Variants in HECW1 observed in about 807,000 individuals in gnomAD.
HECW1 encodes the protein E3 ubiquitin-protein ligase HECW1.
A neutral mutation model predicts 182.3 loss-of-function variants in HECW1; 61 were observed. That is an observed-to-expected ratio of 0.33 (90% CI 0.27 to 0.41). The LOEUF (loss-of-function observed/expected upper bound fraction) is 0.41. Among genes scored for constraint, HECW1 ranks in the 10% least tolerant of loss-of-function variants. HECW1 has a pLI of 1.00. For synonymous variants in HECW1, 859 were observed against 832.6 expected (o/e 1.03, Z -0.55); for missense variants, 1,739 against 2,108.9 (o/e 0.82, Z 3.44).
intron 13 of HECW1, among the ~76,000 whole-genome samples, chr7:43,461,076 A>C (rs1012645266): frequency 1.3e-5 from 2 of 152,248 alleles, no homozygotes; most frequent in Non-Finnish European, 2.9e-5. Flanking sequence ...TTGCTGAGTA[A>C]AACTACACCA....
intron 6 of HECW1, among the ~76,000 whole-genome samples, chr7:43,387,266 G>C (rs1411061470): frequency 2.0e-5 from 3 of 151,890 alleles, no homozygotes. Flanking sequence ...TATGGAAACG[G>C]ATTCATCTTC....
At chr7:43,283,053 G>A (rs1053066179) in intron 3 of HECW1, among the ~76,000 whole-genome samples, 1 of 151,960 alleles carries the variant, frequency 6.6e-6, no homozygotes, top group African/African-American at 2.4e-5. Flanking sequence ...GGGAGGCAGA[G>A]GTTGCAGTGA....
chr7:43,488,494 G>GAGAAAA (rs1481437328), intron 17 of HECW1, among the ~76,000 whole-genome samples: 3,058 of 144,184 alleles, frequency 0.021, 84 homozygotes, highest in Middle Eastern at 0.054. Context: ...GAAAGAGAAA[G>GAGAAAA]AAAGAAAGAA....
intron 24 of HECW1, among the ~76,000 whole-genome samples, chr7:43,517,572 G>T (rs1283010799): frequency 6.6e-6 from 1 of 152,136 alleles, no homozygotes; most frequent in Non-Finnish European, 1.5e-5. Flanking sequence ...TGCTACATCT[G>T]CAGAGTCTTG....
intron 12 of HECW1, among the ~76,000 whole-genome samples, chr7:43,455,134 T>TTG (rs1051590155): frequency 1.3e-5 from 2 of 152,092 alleles, no homozygotes; most frequent in African/African-American, 4.8e-5. Flanking sequence ...TTTCTTTTTT[T>TTG]TTGTTTTCTT....
chr7:43,181,539 C>G (rs914981643), intron 2 of HECW1, among the ~76,000 whole-genome samples: 2 of 150,910 alleles, frequency 1.3e-5, no homozygotes, highest in African/African-American at 5.0e-5. Context: ...GCCATTCTAA[C>G]TGGAGTGAGA....
intron 2 of HECW1, among the ~76,000 whole-genome samples, chr7:43,176,235 C>T (rs566911497): frequency 1.3e-5 from 2 of 152,252 alleles, no homozygotes; most frequent in East Asian, 3.9e-4. Flanking sequence ...AAAAGAAACT[C>T]TCAATGTCTC....
chr7:43,113,330 C>T (rs1304586343), intron 1 of HECW1, among the ~76,000 whole-genome samples: 1 of 152,166 alleles, frequency 6.6e-6, no homozygotes, highest in African/African-American at 2.4e-5. Context: ...CCCACACCCA[C>T]CCCTTGTGAA....
intron 13 of HECW1, among the ~76,000 whole-genome samples, chr7:43,462,863 C>A (rs1226143690): frequency 6.6e-6 from 1 of 152,260 alleles, no homozygotes; most frequent in Non-Finnish European, 1.5e-5. Flanking sequence ...TCACAATTTA[C>A]AAACCTTGGG....
intron 5 of HECW1, among the ~76,000 whole-genome samples, chr7:43,349,234 A>G (rs181595484): frequency 6.6e-6 from 1 of 152,210 alleles, no homozygotes; most frequent in East Asian, 1.9e-4. Context: ...GGGTTTCTCC[A>G]TGTTGATTAG....
chr7:43,134,309 G>T (rs955501608), intron 2 of HECW1, among the ~76,000 whole-genome samples: 1 of 139,636 alleles, frequency 7.2e-6, no homozygotes, highest in Admixed American at 7.7e-5. Context: ...CAGAAGAACC[G>T]CTTGAACCCG....
chr7:43,498,680 C>T (rs1157250438), intron 19 of HECW1, among the ~76,000 whole-genome samples: 1 of 152,084 alleles, frequency 6.6e-6, no homozygotes, highest in African/African-American at 2.4e-5. Flanking sequence ...TTTTTCAACC[C>T]AGTCAAAGAA....
chr7:43,461,959 T>C (rs2077599214), intron 13 of HECW1, among the ~76,000 whole-genome samples: 1 of 152,242 alleles, frequency 6.6e-6, no homozygotes, highest in African/African-American at 2.4e-5. Flanking sequence ...CAGATTTTTC[T>C]TTTGCTTCAA....
chr7:43,406,475 G>T (rs80226972), intron 7 of HECW1, among the ~76,000 whole-genome samples: 1 of 152,042 alleles, frequency 6.6e-6, no homozygotes, highest in African/African-American at 2.4e-5. Flanking sequence ...GTGCTTTTTC[G>T]TCAGTAACAA....
chr7:43,402,234 G>A (rs946305046), intron 7 of HECW1, among the ~76,000 whole-genome samples: 1 of 152,136 alleles, frequency 6.6e-6, no homozygotes, highest in Admixed American at 6.5e-5. Context: ...TAAGCCAGCC[G>A]CAGATGGCAG....
intron 8 of HECW1, among the ~76,000 whole-genome samples, chr7:43,417,045 C>T (rs887291280): frequency 2.6e-5 from 4 of 152,172 alleles, no homozygotes; most frequent in Non-Finnish European, 4.4e-5. Flanking sequence ...GCCATCTTGG[C>T]TCCTCTCATT....
chr7:43,254,228 C>G (rs1468752011), intron 3 of HECW1, among the ~76,000 whole-genome samples: 1 of 152,006 alleles, frequency 6.6e-6, no homozygotes, highest in East Asian at 1.9e-4. Flanking sequence ...TTTTCAAATC[C>G]CAGGAGACCA....
At chr7:43,464,747 C>T (rs1426393216) in intron 14 of HECW1, among the ~76,000 whole-genome samples, 1 of 152,102 alleles carries the variant, frequency 6.6e-6, no homozygotes, top group Non-Finnish European at 1.5e-5. Flanking sequence ...TAATTTCCCC[C>T]TTTCTATTCA....
At chr7:43,316,331 G>A (rs1809244696) in intron 4 of HECW1, among the ~76,000 whole-genome samples, 1 of 152,146 alleles carries the variant, frequency 6.6e-6, no homozygotes, top group Non-Finnish European at 1.5e-5. Context: ...GTACTGATGT[G>A]AGCTAGTGCT....
Sources: allele counts gnomAD v4.1 joint callset (sites outside exome capture counted in the v4.1 genomes callset), GRCh38; gene constraint gnomAD v4.1.1; transcripts MANE v1.5; gene names NCBI Gene and HGNC (gene_info 2026-07-23, HGNC 2026-07-21).